CACNA1G: variants seen among roughly 807,000 people sequenced by gnomAD.
CACNA1G encodes the protein voltage-dependent T-type calcium channel subunit alpha-1G.
CACNA1G carries 67 observed loss-of-function variants against 219.4 expected under a neutral mutation model. The observed-to-expected ratio is 0.31, with a 90% CI of 0.25 to 0.37. The LOEUF (loss-of-function observed/expected upper bound fraction) is 0.37, where lower values mean the gene tolerates loss of function less well. Among genes scored for constraint, CACNA1G ranks in the 10% least tolerant of loss-of-function variants. The pLI is 1.00. For synonymous variants in CACNA1G, 1,296 were observed against 1,345.3 expected (o/e 0.96, Z 0.80); for missense variants, 2,380 against 3,231.4 (o/e 0.74, Z 6.39).
rs1388466644 is a variant in CACNA1G, at chr17:50,605,951, C to T, written c.4350C>T (p.Thr1450=). The T allele has an allele frequency of 6.2e-7, 1 of 1,613,740 alleles. No individual in the cohort carries two copies. Among genetic ancestry groups the T allele is most frequent in the Non-Finnish European group, 8.5e-7 (1 of 1,179,884 alleles). The change falls in exon 23 of 38, where the codon ACC becomes ACT. Residue 1450 remains threonine, a synonymous_variant. Transcript: ENST00000359106. ...VCQGEDTRNI[T]NKSDCAEASY... ...AGGGCGAGGATACCAGGAACATCACCAATAAATCGGACTGTGCCGAGGCCA... is the reference window on the plus strand; with the variant it reads ...AGGGCGAGGATACCAGGAACATCACTAATAAATCGGACTGTGCCGAGGCCA...
At chr17:50,614,064 C>A (rs2049890104) in intron 26 of CACNA1G, among the ~76,000 whole-genome samples, 1 of 152,212 alleles carries the variant, frequency 6.6e-6, no homozygotes, top group Non-Finnish European at 1.5e-5. Flanking sequence ...GGAGAGTGGC[C>A]AGGTGGGCCA....
intron 34 of CACNA1G, among the ~76,000 whole-genome samples, chr17:50,620,578 C>T (rs1416136423): frequency 6.6e-6 from 1 of 152,194 alleles, no homozygotes; most frequent in Non-Finnish European, 1.5e-5. Flanking sequence ...TGAGAGAGGG[C>T]CCCACCCTCC....
intron 1 of CACNA1G, among the ~76,000 whole-genome samples, chr17:50,564,636 GT>G (rs1484157215): frequency 1.3e-5 from 2 of 152,042 alleles, no homozygotes; most frequent in African/African-American, 4.8e-5. Flanking sequence ...GGGCACAGGA[GT>G]TTCTGGAGCC....
At chr17:50,584,289 G>A (rs141028382) in intron 9 of CACNA1G, among the ~76,000 whole-genome samples, 28 of 152,160 alleles carry the variant, frequency 1.8e-4, no homozygotes, top group Non-Finnish European at 3.2e-4. Flanking sequence ...TGGAGGGAGC[G>A]GGCTTAGACT....
In CACNA1G at chr17:50,575,669, C is replaced by G; in HGVS notation, c.1267C>G (p.Leu423Val). The G allele has an allele frequency of 6.2e-7, 1 of 1,613,044 alleles. No homozygotes were observed. Among genetic ancestry groups the G allele is most frequent in the Non-Finnish European group, 8.5e-7 (1 of 1,179,576 alleles). The stretch of plus-strand genomic sequence containing the variant: ...GCGGTTCCTGTCCAACGCCAGCACC[C>G]TGGCTAGCTTCTCTGAGCCCGGCAG... ...RVRFLSNASTLASFSEPGSCY... is the reference protein window; with the variant it reads ...RVRFLSNASTVASFSEPGSCY... Residue 423 changes from leucine (L) to valine (V), a missense_variant, in exon 8 of 38, where the codon CTG (leucine) becomes GTG (valine). Leu to Val is a conservative substitution (Grantham distance 32). Around this residue, in one of 17 missense-constraint regions of CACNA1G, gnomAD observed 72 missense variants for 175.8 expected, o/e 0.41. Transcript: ENST00000359106.
intron 16 of CACNA1G, among the ~76,000 whole-genome samples, chr17:50,597,558 A>G (rs1344966640): frequency 2.6e-4 from 40 of 152,268 alleles, no homozygotes; most frequent in Admixed American, 2.6e-3. Context: ...ATGTTTTGAT[A>G]TATGCATACA....
Position 50,578,096 on chromosome 17 carries a change from A to C in CACNA1G, c.1925-92A>C. On this transcript the variant is annotated intron_variant, in intron 8 of 37. Transcript: ENST00000359106. This position sits in a 1 kb window ranked among gnomAD's most constrained non-coding sequence, Gnocchi z 4.5. Reference sequence around the variant, plus strand: ...AGCACCCCATCACTGTAACAACCCCAGACTCCCTGACTCATTTTACACATA... The same window carrying C: ...AGCACCCCATCACTGTAACAACCCCCGACTCCCTGACTCATTTTACACATA... The C allele has an allele frequency of 2.1e-6, 3 of 1,433,178 alleles. No individual in the cohort carries two copies. Among genetic ancestry groups the C allele is most frequent in the Non-Finnish European group, 2.8e-6 (3 of 1,083,500 alleles). 88.8% of individuals were successfully genotyped at this position (1,433,178 alleles called of 1,614,324 possible).
At chr17:50,594,349 C>T (rs1279023299) in intron 13 of CACNA1G, among the ~76,000 whole-genome samples, 2 of 152,230 alleles carry the variant, frequency 1.3e-5, no homozygotes, top group East Asian at 1.9e-4. Flanking sequence ...CCATCTCAAA[C>T]GGAGCAGCTG....
intron 36 of CACNA1G, 36 bp from the exon 37 acceptor site, chr17:50,624,324 T>TCCCCCCCCCCCTCCCCCCCCTCCCCCC: frequency 8.5e-7 from 1 of 1,177,660 alleles, no homozygotes. Context: ...CTCCATTCTC[T>TCCCCCCCCCCCTCCCCCCCCTCCCCCC]CCCCCCACCC....
rs1473783517 is a variant in CACNA1G, at chr17:50,575,839, C to T, written c.1437C>T (p.Ser479=). The T allele has an allele frequency of 6.5e-7, 1 of 1,550,102 alleles. No homozygotes were observed. The highest frequency in any genetic ancestry group is 2.4e-5 in the East Asian group (1 of 40,972). The part of the protein sequence containing the change: ...APLGGQETQP[S]SSCSRSHRRL... ...TCGGGGGCCAGGAGACCCAGCCCAGCAGCAGCTGCTCTCGCTCCCACCGCC... is the reference window on the plus strand; with the variant it reads ...TCGGGGGCCAGGAGACCCAGCCCAGTAGCAGCTGCTCTCGCTCCCACCGCC... The change falls in exon 8 of 38, where the codon AGC becomes AGT. Residue 479 remains serine, a synonymous_variant. Transcript: ENST00000359106.
intron 9 of CACNA1G, among the ~76,000 whole-genome samples, chr17:50,581,613 G>C (rs1337358893): frequency 6.6e-6 from 1 of 152,324 alleles, no homozygotes; most frequent in East Asian, 1.9e-4. Flanking sequence ...CCCCGCCCGG[G>C]GCTGGCCCCA....
chr17:50,592,184 T>G (rs2044465850), intron 13 of CACNA1G, 92 bp downstream of exon 13: 1 of 1,379,246 alleles, frequency 7.3e-7, no homozygotes, highest in Non-Finnish European at 9.9e-7. Flanking sequence ...TGTTGCCAAC[T>G]TTGGGGGCCT....
intron 9 of CACNA1G, among the ~76,000 whole-genome samples, chr17:50,581,765 G>C (rs528002308): frequency 6.6e-6 from 1 of 152,358 alleles, no homozygotes; most frequent in Non-Finnish European, 1.5e-5. Context: ...ACCTGATGTC[G>C]AAGTGTGATC....
At chr17:50,590,747 C>G (rs546886456) in intron 10 of CACNA1G, 125 bp downstream of exon 10, 3 of 781,970 alleles carry the variant, frequency 3.8e-6, no homozygotes, top group South Asian at 1.8e-5. Context: ...ACTGACCCCA[C>G]AGGACCTGCC....
At position 50,561,581 on chromosome 17, in the gene CACNA1G, C is replaced by A. The variant is rs1383512178; in HGVS notation, c.122C>A (p.Pro41Gln). 3.8e-6 allele frequency: 6 copies of A among 1,560,144 alleles called. No homozygotes were observed. Among genetic ancestry groups the A allele is most frequent in the Admixed American group, 1.9e-5 (1 of 52,450 alleles). The change falls in exon 1 of 38, where the codon CCG becomes CAG. Residue 41 changes from proline to glutamine, a missense_variant. Coordinates refer to ENST00000359106, the MANE Select transcript of CACNA1G (RefSeq NM_018896.5). ...GGGCCGGGGTCAGCAGAAAAGGACC[C>A]GGGCAGCGCGGACTCCGAGGCGGAG... ...RPGPGSAEKD[P>Q]GSADSEAEGL... is the part of the protein sequence containing the mutation.
chr17:50,591,135 G>A (rs2044244587), intron 10 of CACNA1G, among the ~76,000 whole-genome samples: 1 of 152,242 alleles, frequency 6.6e-6, no homozygotes, highest in African/African-American at 2.4e-5. Context: ...TTCATTAGAA[G>A]AGAACAAAGC....
At chr17:50,625,984 C>T (rs772637848) in intron 37 of CACNA1G, 33 bp from the exon 38 acceptor site, 14 of 1,571,490 alleles carry the variant, frequency 8.9e-6, no homozygotes, top group African/African-American at 5.4e-5. Context: ...GGAGAGGAGA[C>T]TGCTGGGCTG....
chr17:50,603,023 A>G lies in CACNA1G; in HGVS notation c.3993A>G (p.Ala1331=). 6.2e-7 allele frequency: 1 copy of G among 1,611,892 alleles called. No individual in the cohort carries two copies. The highest frequency in any genetic ancestry group is 8.5e-7 in the Non-Finnish European group (1 of 1,178,556). The change falls in exon 21 of 38, where the codon GCA becomes GCG. Residue 1331 remains alanine, a synonymous_variant. Transcript: ENST00000359106. This position sits in a 1 kb window ranked among gnomAD's most constrained non-coding sequence, Gnocchi z 6.4. Reference sequence around the variant, plus strand: ...GTGGCGGTGGTCCCCAGGTGGTGGCACTGGGCTGGTGCTTCGGGGAGCAGG... The same window carrying G: ...GTGGCGGTGGTCCCCAGGTGGTGGCGCTGGGCTGGTGCTTCGGGGAGCAGG... The part of the protein sequence containing the change: ...FLAEMTVKVV[A]LGWCFGEQAY...
chr17:50,618,405 C>A lies in CACNA1G; in HGVS notation c.5427+62C>A. 1 of 1,591,292 alleles carries A rather than the reference C, an allele frequency of 6.3e-7. No individual in the cohort carries two copies. Among genetic ancestry groups the A allele is most frequent in the Non-Finnish European group, 8.6e-7 (1 of 1,164,156 alleles). On this transcript the variant is annotated intron_variant, in intron 32 of 37. Coordinates refer to ENST00000359106, the MANE Select transcript of CACNA1G (RefSeq NM_018896.5). The surrounding 1 kb of genome is among the most constrained non-coding windows in gnomAD (Gnocchi z 5.3). ...AGCCCCACTTCCTGAGCTAGGATTC[C>A]TTGGGAAGATGAATTGGCCACAAAT...
Sources: allele counts gnomAD v4.1 joint callset (sites outside exome capture counted in the v4.1 genomes callset), GRCh38; gene constraint gnomAD v4.1.1; regional missense constraint gnomAD v4.1.1; non-coding constraint Gnocchi (gnomAD v3.1); transcripts MANE v1.5; gene names NCBI Gene and HGNC (gene_info 2026-07-23, HGNC 2026-07-21).